Variants in NARS2 observed in about 807,000 individuals in gnomAD.
NARS2 encodes the protein asparaginyl-tRNA synthetase.
A neutral mutation model predicts 62.9 loss-of-function variants in NARS2; 60 were observed. That is an observed-to-expected ratio of 0.95 (90% CI 0.77 to 1.18). NARS2 has a LOEUF of 1.18. NARS2 is among the 50% of genes most tolerant of loss of function. NARS2 has a pLI of 0.00. For missense variants in NARS2, 619 were observed against 576.4 expected (o/e 1.07, Z -0.76); for synonymous variants, 196 against 200.0 (o/e 0.98, Z 0.17).
chr11:78,524,081 G>A (rs892719739), intron 6 of NARS2, among the ~76,000 whole-genome samples: 35 of 151,910 alleles, frequency 2.3e-4, no homozygotes, highest in Admixed American at 1.1e-3. Context: ...GATCTTCACT[G>A]TCCCTTTATT....
At chr11:78,476,385 G>C (rs116546634) in intron 9 of NARS2, among the ~76,000 whole-genome samples, 1,648 of 152,306 alleles carry the variant, frequency 0.011, 35 homozygotes, top group African/African-American at 0.039. Context: ...AAACTGGATA[G>C]CTGTCTCTTT....
intron 5 of NARS2, among the ~76,000 whole-genome samples, chr11:78,532,010 T>C (rs1347338793): frequency 6.6e-6 from 1 of 152,228 alleles, no homozygotes; most frequent in Admixed American, 6.5e-5. Context: ...CCTTTTAAAA[T>C]GCTTAATTTT....
chr11:78,471,521 TTTTTTTTTC>T (rs975187646), intron 9 of NARS2, among the ~76,000 whole-genome samples: 12 of 100,206 alleles, frequency 1.2e-4, no homozygotes, highest in African/African-American at 1.5e-4. Flanking sequence ...TTGAACTATC[TTTTTTTTTC>T]TTTTTTTTCT....
In NARS2 at chr11:78,534,885, T is replaced by A. The variant is rs181513754; in HGVS notation, c.595-5949A>T. ...AAAAACCTCCATTTGTGTTAATCCT[T>A]GGGAATTAAGGAATAATGTAATCCA... On this transcript the variant is annotated intron_variant, in intron 5 of 13. Coordinates refer to ENST00000281038, the MANE Select transcript of NARS2 (RefSeq NM_024678.6). 2.7e-3 allele frequency among the ~76,000 whole-genome samples: 408 copies of A among 152,322 alleles called. 2 individuals carry two copies. Among genetic ancestry groups the A allele is most frequent in the Middle Eastern group, 0.01 (3 of 294 alleles).
At chr11:78,561,454 G>T (rs1217447703) in intron 4 of NARS2, among the ~76,000 whole-genome samples, 1 of 152,092 alleles carries the variant, frequency 6.6e-6, no homozygotes, top group Non-Finnish European at 1.5e-5. Flanking sequence ...CAGAAAAGAG[G>T]CCAAAAATAA....
chr11:78,484,327 T>C (rs994336687), intron 7 of NARS2, among the ~76,000 whole-genome samples: 1 of 152,100 alleles, frequency 6.6e-6, no homozygotes, highest in African/African-American at 2.4e-5. Flanking sequence ...GACACAGGCA[T>C]AGGCAAAGAC....
chr11:78,551,559 C>A (rs1051314543), intron 5 of NARS2, among the ~76,000 whole-genome samples: 1 of 152,116 alleles, frequency 6.6e-6, no homozygotes, highest in South Asian at 2.1e-4. Context: ...TTTTTAAAAA[C>A]CCTGCTCCAG....
intron 4 of NARS2, among the ~76,000 whole-genome samples, chr11:78,563,216 T>TG (rs1421104615): frequency 6.2e-5 from 1 of 16,084 alleles, no homozygotes; most frequent in Admixed American, 6.0e-4. Context: ...ACCACTTGAA[T>TG]TTTTTTTTTT....
At chr11:78,529,751 T>G (rs1861414336) in intron 5 of NARS2, among the ~76,000 whole-genome samples, 2 of 152,316 alleles carry the variant, frequency 1.3e-5, no homozygotes, top group African/African-American at 4.8e-5. Flanking sequence ...GTCTTGATCT[T>G]CTGGGATCAA....
intron 6 of NARS2, among the ~76,000 whole-genome samples, chr11:78,501,823 T>C (rs1860292877): frequency 6.6e-6 from 1 of 152,212 alleles, no homozygotes. Context: ...GACCCAACTA[T>C]TTCCTCCTGA....
At position 78,437,643 on chromosome 11, in the gene NARS2, A is replaced by G. The variant is rs570766563; in HGVS notation, c.1290-829T>C. Among the ~76,000 whole-genome samples, 26 of 152,284 alleles carry G rather than the reference A, an allele frequency of 1.7e-4. 1 individual carries two copies. Among genetic ancestry groups the G allele is most frequent in the Middle Eastern group, 6.8e-3 (2 of 294 alleles). ...GCAACTATAAATATTTTATTATGTC[A>G]TTTTGTGGGGAAATTCTTGAGTTAT... is the stretch of plus-strand genomic sequence containing the variant. On this transcript the variant is annotated intron_variant, in intron 13 of 13. Coordinates refer to ENST00000281038, the MANE Select transcript of NARS2 (RefSeq NM_024678.6).
rs1857054573 is a variant in NARS2, at chr11:78,574,494, G to C, written c.-6C>G. The C allele has an allele frequency of 1.9e-6, 3 of 1,606,698 alleles. No homozygotes were observed. The highest frequency in any genetic ancestry group is 1.7e-6 in the Non-Finnish European group (2 of 1,177,152). On this transcript the variant is annotated 5_prime_UTR_variant, in exon 1 of 14. Transcript: ENST00000281038. ...AGGCAGCGGACCCCCAGCATCCCGC[G>C]TCCGCCCAGGCCCTCCGCGGGAGCA...
chr11:78,548,983 C>A (rs1410798404), intron 5 of NARS2, among the ~76,000 whole-genome samples: 2 of 152,142 alleles, frequency 1.3e-5, no homozygotes, highest in Non-Finnish European at 2.9e-5. Context: ...AAACTCTACC[C>A]CCCAATTAGA....
At chr11:78,528,657 T>G (rs554642438) in intron 6 of NARS2, among the ~76,000 whole-genome samples, 185 bp downstream of exon 6, 1 of 152,322 alleles carries the variant, frequency 6.6e-6, no homozygotes, top group African/African-American at 2.4e-5. Context: ...CTTTGTATTT[T>G]CAGTGTTACA....
At chr11:78,479,815 G>A (rs1859270222) in intron 7 of NARS2, among the ~76,000 whole-genome samples, 1 of 152,214 alleles carries the variant, frequency 6.6e-6, no homozygotes, top group Admixed American at 6.5e-5. Flanking sequence ...GTCTATTGAA[G>A]TACATTAATA....
chr11:78,491,605 T>C (rs891539703), intron 7 of NARS2, among the ~76,000 whole-genome samples: 1 of 152,212 alleles, frequency 6.6e-6, no homozygotes, highest in Non-Finnish European at 1.5e-5. Context: ...GGGACAACTG[T>C]TCCCATCTGG....
intron 6 of NARS2, among the ~76,000 whole-genome samples, chr11:78,510,013 A>G (rs570425580): frequency 6.6e-6 from 1 of 152,248 alleles, no homozygotes; most frequent in African/African-American, 2.4e-5. Flanking sequence ...AAAGAAATTT[A>G]AATGTTTCCC....
intron 10 of NARS2, among the ~76,000 whole-genome samples, chr11:78,467,575 T>A (rs148412693): frequency 0.029 from 4,349 of 150,724 alleles, 207 homozygotes; most frequent in African/African-American, 0.1. Context: ...ATAAATTAAT[T>A]AATTAATTAA....
intron 5 of NARS2, among the ~76,000 whole-genome samples, chr11:78,553,335 CT>C (rs1856200399): frequency 6.6e-6 from 1 of 151,972 alleles, no homozygotes; most frequent in African/African-American, 2.4e-5. Context: ...GTTACCTAGG[CT>C]AGAGTGCAGT....
Sources: allele counts gnomAD v4.1 joint callset (sites outside exome capture counted in the v4.1 genomes callset), GRCh38; gene constraint gnomAD v4.1.1; transcripts MANE v1.5; gene names NCBI Gene and HGNC (gene_info 2026-07-23, HGNC 2026-07-21).